Variants in RASAL1 observed in about 807,000 individuals in gnomAD.
RASAL1 encodes rasGAP-activating-like protein 1.
RASAL1 carries 72 observed loss-of-function variants against 96.6 expected under a neutral mutation model. That is an observed-to-expected ratio of 0.75 (90% CI 0.62 to 0.91). RASAL1 has a LOEUF of 0.91. Among genes scored for constraint, RASAL1 ranks in the 40% least tolerant of loss-of-function variants. RASAL1 has a pLI of 0.00. For missense variants in RASAL1, 1,016 were observed against 1,072.5 expected (o/e 0.95, Z 0.74); for synonymous variants, 405 against 430.4 (o/e 0.94, Z 0.73).
chr12:113,110,150 G>A (rs1950816012), intron 13 of RASAL1, among the ~76,000 whole-genome samples: 1 of 152,182 alleles, frequency 6.6e-6, no homozygotes, highest in Non-Finnish European at 1.5e-5. Context: ...CCAGCAAGGT[G>A]AGGTGTAAGC....
chr12:113,113,449 C>T (rs1043256491), intron 12 of RASAL1, among the ~76,000 whole-genome samples: 47 of 152,288 alleles, frequency 3.1e-4, no homozygotes, highest in Non-Finnish European at 1.2e-4. Flanking sequence ...TGCCCCTGTC[C>T]CCATGGGTGC....
At position 113,129,062 on chromosome 12, in the gene RASAL1, C is replaced by G. The variant is rs551504658; in HGVS notation, c.123-884G>C. 6.0e-4 allele frequency among the ~76,000 whole-genome samples: 91 copies of G among 152,062 alleles called. 1 individual carries two copies. Among genetic ancestry groups the G allele is most frequent in the Non-Finnish European group, 9.0e-4 (61 of 68,024 alleles). ...CATAAACATTCACTTGGACTATGGGCCCAGCCTGTGCTGGGCTCCAGGGAT... is the reference window on the plus strand; with the variant it reads ...CATAAACATTCACTTGGACTATGGGGCCAGCCTGTGCTGGGCTCCAGGGAT... On this transcript the variant is annotated intron_variant, in intron 2 of 20. Transcript: ENST00000548055. This position sits in a 1 kb window ranked among gnomAD's most constrained non-coding sequence, Gnocchi z 5.0.
At chr12:113,110,496 C>T (rs1375790430) in intron 13 of RASAL1, among the ~76,000 whole-genome samples, 3 of 152,202 alleles carry the variant, frequency 2.0e-5, no homozygotes, top group East Asian at 1.9e-4. Flanking sequence ...ACAGCCACCT[C>T]GGGAGGTGTG....
At position 113,130,333 on chromosome 12, in the gene RASAL1, A is replaced by C. The variant is rs889096609; in HGVS notation, c.122+552T>G. Among the ~76,000 whole-genome samples the C allele has an allele frequency of 3.9e-5, 6 of 152,316 alleles. No individual in the cohort carries two copies. The highest frequency in any genetic ancestry group is 7.4e-5 in the Non-Finnish European group (5 of 68,014). On this transcript the variant is annotated intron_variant, in intron 2 of 20. Coordinates refer to ENST00000548055, the MANE Select transcript of RASAL1 (RefSeq NM_001301202.2). The surrounding 1 kb of genome is among the most constrained non-coding windows in gnomAD (Gnocchi z 5.1). ...TCAGCTGGCATTGGTGTTCACATGC[A>C]TGTGCAGGGCAGCCATGTGCACGTG...
chr12:113,128,118 C>G lies in RASAL1; in HGVS notation c.183G>C (p.Leu61=). Residue 61 remains leucine, a synonymous_variant, in exon 3 of 21, where the codon CTG becomes CTC. Coordinates refer to ENST00000548055, the MANE Select transcript of RASAL1 (RefSeq NM_001301202.2). ...PFWGEEYTVH[L]PLDFHQLAFY... is the part of the protein sequence containing the mutation. ...AGGCCAGCTGGTGGAAATCCAGAGG[C>G]AGGTGCACCGTGTACTCCTCCCCCC... The G allele has an allele frequency of 6.8e-6, 11 of 1,613,976 alleles. No homozygotes were observed. The highest frequency in any genetic ancestry group is 9.3e-6 in the Non-Finnish European group (11 of 1,179,972).
At position 113,117,025 on chromosome 12, in the gene RASAL1, G is replaced by A. The variant is rs567573374; in HGVS notation, c.731+48C>T. On this transcript the variant is annotated intron_variant, in intron 8 of 20. Coordinates refer to ENST00000548055, the MANE Select transcript of RASAL1 (RefSeq NM_001301202.2). ...GCTCTGCCCGCAAGCTGTGGATGCT[G>A]CCCGGCATGGCTCCAGCCTGGCCCC... 4.2e-6 allele frequency: 6 copies of A among 1,445,760 alleles called. No homozygotes were observed. The South Asian group carries it at 7.6e-5, about 18-fold the overall frequency. 89.6% of individuals were successfully genotyped at this position (1,445,760 alleles called of 1,614,324 possible). A position where few individuals can be genotyped will look rare whatever the true frequency, so the allele number is the denominator to read the frequency against.
At chr12:113,120,010 A>G (rs1291815223) in intron 5 of RASAL1, among the ~76,000 whole-genome samples, 1 of 152,174 alleles carries the variant, frequency 6.6e-6, no homozygotes, top group Non-Finnish European at 1.5e-5. Context: ...ACCCATGCCC[A>G]CACCTTGTCT....
At position 113,119,214 on chromosome 12, in the gene RASAL1, G is replaced by A. The variant is rs114597209; in HGVS notation, c.556C>T (p.Leu186=). 34 of 1,614,070 alleles carry A rather than the reference G, an allele frequency of 2.1e-5. No homozygotes were observed. The African/African-American group carries it at 2.3e-4, about 11-fold the overall frequency. ...GACGGGGCACCTGGCATCTCCCGCA[G>A]CTCCAGCACTTCATCCCAGTGCGGG... ...RFPHWDEVLE[L]REMPGAPSPL... is the part of the protein sequence containing the mutation. Residue 186 remains leucine (L), a synonymous_variant, in exon 7 of 21, where the codon CTG becomes TTG. Transcript: ENST00000548055.
intron 5 of RASAL1, 53 bp downstream of exon 5, chr12:113,121,456 G>T (rs1951290805): frequency 1.2e-6 from 2 of 1,607,040 alleles, no homozygotes; most frequent in Non-Finnish European, 1.7e-6. Context: ...AGACCCAGGG[G>T]ACTCCTGCTC....
intron 20 of RASAL1, 44 bp from the exon 21 acceptor site, chr12:113,100,112 G>T: frequency 2.6e-6 from 4 of 1,532,574 alleles, no homozygotes; most frequent in Non-Finnish European, 3.5e-6. Flanking sequence ...CCAGTCCAGG[G>T]CAGGCTGCTG....
rs200909206 is a variant in RASAL1 at position 113,121,530 on chromosome 12, C to A, written c.407G>T (p.Arg136Leu). The change falls in exon 5 of 21, where the codon CGC (arginine) becomes CTC (leucine). Residue 136 changes from arginine (R) to leucine (L), a missense_variant. By Grantham distance (102) the Arg-to-Leu change is moderately radical. Transcript: ENST00000548055. ...MLEDGQGRCL[R>L]CHVLQARDLA... is the part of the protein sequence containing the mutation. ...ATACCTGGCCTGAAGCACATGGCAG[C>A]GAAGGCAGCGGCCCTGCCCATCCTC... The A allele has an allele frequency of 6.2e-7, 1 of 1,614,156 alleles. No homozygotes were observed. The highest frequency in any genetic ancestry group is 8.5e-7 in the Non-Finnish European group (1 of 1,180,024).
intron 7 of RASAL1, among the ~76,000 whole-genome samples, chr12:113,118,514 A>G (rs1951170515): frequency 6.6e-6 from 1 of 152,184 alleles, no homozygotes; most frequent in South Asian, 2.1e-4. Flanking sequence ...TCTTTGGGGT[A>G]TGTACCTAAG....
chr12:113,101,939 A>G lies in RASAL1; in HGVS notation c.2175T>C (p.Ala725=). The change falls in exon 19 of 21, where the codon GCT becomes GCC. Residue 725 remains alanine, a synonymous_variant. Transcript: ENST00000548055. ...GDWSDPLDPD[A]EAQTVYRQLL... The stretch of plus-strand genomic sequence containing the variant: ...GCTGCCGATACACTGTCTGGGCCTC[A>G]GCATCAGGATCCAGTGGGTCACTCC... The G allele has an allele frequency of 1.2e-6, 2 of 1,614,148 alleles. No individual in the cohort carries two copies. The highest frequency in any genetic ancestry group is 1.7e-6 in the Non-Finnish European group (2 of 1,180,016).
At chr12:113,118,253 G>A (rs1376322005) in intron 7 of RASAL1, among the ~76,000 whole-genome samples, 2 of 152,036 alleles carry the variant, frequency 1.3e-5, no homozygotes, top group Non-Finnish European at 2.9e-5. Context: ...ATAAACAAGA[G>A]TTAAGTTCCT....
At chr12:113,128,240 A>G in intron 2 of RASAL1, 62 bp from the exon 3 acceptor site, 1 of 835,070 alleles carries the variant, frequency 1.2e-6, no homozygotes, top group Non-Finnish European at 2.0e-6. Flanking sequence ...ACACCTGGAG[A>G]CCCAGACACA....
chr12:113,103,684 T>C, intron 18 of RASAL1: 1 of 557,174 alleles, frequency 1.8e-6, no homozygotes, highest in Non-Finnish European at 3.2e-6. Context: ...CACTGGATGC[T>C]GGCACCTAGT....
rs753952659 is a variant in RASAL1 at position 113,100,620 on chromosome 12, G to T, written c.2278+8C>A. ...AGCCTTTACCTTCTGAGGTACAGGA[G>T]CCCTTACCTGTGTCTGCCTCCAGAG... On this transcript the variant is annotated splice_region_variant and intron_variant, in intron 20 of 20. Transcript: ENST00000548055. The T allele has an allele frequency of 1.2e-6, 2 of 1,605,912 alleles. No individual in the cohort carries two copies. The highest frequency in any genetic ancestry group is 1.1e-5 in the South Asian group (1 of 90,942).
rs946909210 is a variant in RASAL1 at position 113,130,502 on chromosome 12, C to T, written c.122+383G>A. Among the ~76,000 whole-genome samples, 2 of 152,152 alleles carry T rather than the reference C, an allele frequency of 1.3e-5. No homozygotes were observed. The highest frequency in any genetic ancestry group is 2.4e-5 in the African/African-American group (1 of 41,432). ...CAACTCACAAGCAGGCCCAGCTGGG[C>T]GGGTGCACACACAGACACACATGCA... is the stretch of plus-strand genomic sequence containing the variant. On this transcript the variant is annotated intron_variant, in intron 2 of 20. Coordinates refer to ENST00000548055, the MANE Select transcript of RASAL1 (RefSeq NM_001301202.2). The surrounding 1 kb of genome is among the most constrained non-coding windows in gnomAD (Gnocchi z 5.1).
chr12:113,108,489 G>T (rs143431574), intron 13 of RASAL1, among the ~76,000 whole-genome samples: 2 of 152,230 alleles, frequency 1.3e-5, no homozygotes, highest in African/African-American at 4.8e-5. Context: ...TATGCCAAGA[G>T]CACAGCCCTA....
Sources: allele counts gnomAD v4.1 joint callset (sites outside exome capture counted in the v4.1 genomes callset), GRCh38; gene constraint gnomAD v4.1.1; non-coding constraint Gnocchi (gnomAD v3.1); transcripts MANE v1.5; gene names NCBI Gene and HGNC (gene_info 2026-07-23, HGNC 2026-07-21).